Variants in BCLAF1 observed in about 807,000 individuals in gnomAD.
BCLAF1 encodes BCL2 associated transcription factor 1.
BCLAF1 carries 10 observed loss-of-function variants against 99.5 expected under a neutral mutation model. The observed-to-expected ratio is 0.10, with a 90% confidence interval of 0.06 to 0.17. The LOEUF (loss-of-function observed/expected upper bound fraction) is 0.17, where lower values mean the gene tolerates loss of function less well. Ranked by LOEUF, BCLAF1 falls within the 10% of genes least tolerant of loss-of-function variation. BCLAF1 has a pLI of 1.00. For missense variants in BCLAF1, 636 were observed against 1,105.8 expected (o/e 0.58, Z 6.02); for synonymous variants, 255 against 370.9 (o/e 0.69, Z 3.59).
intron 11 of BCLAF1, among the ~76,000 whole-genome samples, chr6:136,265,982 GTCAAT>G (rs1781659060): frequency 1.3e-5 from 2 of 151,486 alleles, no homozygotes; most frequent in South Asian, 2.1e-4. Context: ...TTTCCAGAAT[GTCAAT>G]TCAAGACACT....
chr6:136,282,834 T>G (rs1274850282), intron 1 of BCLAF1, 147 bp from the exon 2 acceptor site: 2 of 152,192 alleles, frequency 1.3e-5, no homozygotes, highest in African/African-American at 4.8e-5. Context: ...AATAGGAAAC[T>G]TTTAACCGTA....
At chr6:136,262,155 C>T (rs534141413) in intron 11 of BCLAF1, among the ~76,000 whole-genome samples, 10 of 152,078 alleles carry the variant, frequency 6.6e-5, no homozygotes, top group African/African-American at 2.4e-4. Flanking sequence ...ACAGATGATC[C>T]CCAAATTATG....
chr6:136,268,030 T>G, intron 10 of BCLAF1, 132 bp downstream of exon 10: 1 of 917,608 alleles, frequency 1.1e-6, no homozygotes, highest in Non-Finnish European at 1.5e-6. Context: ...CCACTTCATG[T>G]TTCAATACTA....
chr6:136,269,110 G>A (rs983523421), intron 9 of BCLAF1: 56 of 1,158,784 alleles, frequency 4.8e-5, no homozygotes, highest in Admixed American at 2.3e-4. Flanking sequence ...GAAAAAGTGC[G>A]GAATCAAGCA....
At chr6:136,284,067 T>G (rs533732517) in intron 1 of BCLAF1, among the ~76,000 whole-genome samples, 27 of 149,984 alleles carry the variant, frequency 1.8e-4, no homozygotes, top group Admixed American at 6.0e-4. Context: ...TAGCTAACAC[T>G]TCCCTAAACA....
chr6:136,261,162 T>C, intron 12 of BCLAF1, 47 bp from the exon 13 acceptor site: 1 of 1,565,674 alleles, frequency 6.4e-7, no homozygotes, highest in East Asian at 2.2e-5. Context: ...ATGCGGAGAG[T>C]GAAAAGGAAC....
intron 1 of BCLAF1, among the ~76,000 whole-genome samples, chr6:136,284,432 A>G (rs188924958): frequency 6.6e-6 from 1 of 152,302 alleles, no homozygotes; most frequent in Admixed American, 6.5e-5. Context: ...TATACAAAGC[A>G]CAATGCTAAT....
intron 4 of BCLAF1, among the ~76,000 whole-genome samples, 167 bp from the exon 5 acceptor site, chr6:136,276,675 T>C (rs776798339): frequency 2.0e-5 from 3 of 152,230 alleles, no homozygotes; most frequent in Non-Finnish European, 4.4e-5. Context: ...AAAGCATCCA[T>C]ATAGAACTTA....
In BCLAF1 at chr6:136,278,792, A is replaced by T. The variant is rs754792435; in HGVS notation, c.105-16T>A. 2 of 1,484,496 alleles carry T rather than the reference A, an allele frequency of 1.3e-6. No individual in the cohort carries two copies. Among genetic ancestry groups the T allele is most frequent in the Non-Finnish European group, 8.9e-7 (1 of 1,120,012 alleles). 92.0% of individuals were successfully genotyped at this position (1,484,496 alleles called of 1,614,324 possible). ...AGACCTAGAACTAAAAATGAAATAAATATCAATGCAAGAAAAATAAAGTAT... is the reference window on the plus strand; with the variant it reads ...AGACCTAGAACTAAAAATGAAATAATTATCAATGCAAGAAAAATAAAGTAT... On this transcript the variant is annotated splice_polypyrimidine_tract_variant and intron_variant, in intron 3 of 12. Coordinates refer to ENST00000531224, the MANE Select transcript of BCLAF1 (RefSeq NM_014739.3).
rs150006162 is a variant in BCLAF1, at chr6:136,278,252, C to T, written c.629G>A (p.Gly210Asp). ...AGCTGAAAGGCCAGGCCAAATATCA[C>T]CGGATGTGGCTGATGACTTATTAAA... ...DEFNKSSATS[G>D]DIWPGLSAYD... is the part of the protein sequence containing the mutation. The change falls in exon 4 of 13, where the codon GGT (glycine) becomes GAT (aspartate). Residue 210 changes from glycine (G) to aspartate (D), a missense_variant. By Grantham distance (94) the Gly-to-Asp change is moderately conservative. Coordinates refer to ENST00000531224, the MANE Select transcript of BCLAF1 (RefSeq NM_014739.3). The T allele has an allele frequency of 5.5e-5, 89 of 1,614,102 alleles. No homozygotes were observed. In the African/African-American group the frequency reaches 5.6e-4, roughly 10 times the overall value.
chr6:136,287,836 T>C (rs1785357190), intron 1 of BCLAF1, among the ~76,000 whole-genome samples: 1 of 152,016 alleles, frequency 6.6e-6, no homozygotes, highest in African/African-American at 2.4e-5. Flanking sequence ...TCGAGACCAA[T>C]ATTGTGAAAC....
intron 9 of BCLAF1, 168 bp from the exon 10 acceptor site, chr6:136,268,507 C>G (rs2128472114): frequency 1.5e-6 from 1 of 648,176 alleles, no homozygotes; most frequent in African/African-American, 1.8e-5. Context: ...TTCCATTCTC[C>G]TTCAATATGT....
intron 8 of BCLAF1, 182 bp downstream of exon 8, chr6:136,271,813 C>T (rs1332399568): frequency 4.5e-6 from 2 of 439,634 alleles, no homozygotes; most frequent in African/African-American, 4.2e-5. Flanking sequence ...AAATTTAAGA[C>T]ACTTAGTATA....
chr6:136,265,057 A>G (rs1781536928), intron 11 of BCLAF1, among the ~76,000 whole-genome samples: 1 of 152,216 alleles, frequency 6.6e-6, no homozygotes, highest in African/African-American at 2.4e-5. Flanking sequence ...TAAATTGTTA[A>G]AAGTGTTAAA....
At chr6:136,286,196 G>T (rs1462781061) in intron 1 of BCLAF1, among the ~76,000 whole-genome samples, 2 of 152,172 alleles carry the variant, frequency 1.3e-5, no homozygotes, top group Non-Finnish European at 2.9e-5. Context: ...AAGCATACTT[G>T]ATCCCAGTCT....
rs565094636 is a variant in BCLAF1, at chr6:136,287,110, A to T, written c.-115+2603T>A. ...AGCCAAGATCACGCCACTGCACACC[A>T]GCCTTGGCGACAGAGCAAGACTGTG... On this transcript the variant is annotated intron_variant, in intron 1 of 12. Transcript: ENST00000531224. Among the ~76,000 whole-genome samples the T allele has an allele frequency of 2.0e-5, 3 of 152,080 alleles. No individual in the cohort carries two copies. The East Asian group carries it at 5.8e-4, about 29-fold the overall frequency.
intron 4 of BCLAF1, among the ~76,000 whole-genome samples, chr6:136,276,796 A>T (rs1203510393): frequency 2.6e-5 from 4 of 152,216 alleles, no homozygotes; most frequent in Non-Finnish European, 4.4e-5. Context: ...CACTAACACG[A>T]ACTTCTAGAG....
rs1314307401 is a variant in BCLAF1, at chr6:136,275,978, T to C, written c.1547A>G (p.His516Arg). ...CTTTTCTCGTGCATCCAGATTCTTG[T>C]GTAGAGGGGGACTGTAATCAAAGAG... ...KDLFDYSPPL[H>R]KNLDAREKST... Residue 516 changes from histidine (H) to arginine (R), a missense_variant, in exon 5 of 13, where the codon CAC becomes CGC. Around this residue, in one of 9 missense-constraint regions of BCLAF1, gnomAD observed 186 missense variants for 275.3 expected, o/e 0.68. Coordinates refer to ENST00000531224, the MANE Select transcript of BCLAF1 (RefSeq NM_014739.3). The C allele has an allele frequency of 1.2e-6, 2 of 1,612,408 alleles. No individual in the cohort carries two copies. Among genetic ancestry groups the C allele is most frequent in the African/African-American group, 1.3e-5 (1 of 74,748 alleles).
chr6:136,278,792 A>G lies in BCLAF1; in HGVS notation c.105-16T>C, dbSNP rs754792435. 1.3e-6 allele frequency: 2 copies of G among 1,484,614 alleles called. No individual in the cohort carries two copies. The highest frequency in any genetic ancestry group is 2.3e-5 in the East Asian group (1 of 43,868). The allele number at this position is 1,484,614 out of a possible 1,614,324, so 92.0% of individuals were successfully genotyped here. A position where few individuals can be genotyped will look rare whatever the true frequency, so the allele number is the denominator to read the frequency against. On this transcript the variant is annotated splice_polypyrimidine_tract_variant and intron_variant, in intron 3 of 12. Transcript: ENST00000531224. ...AGACCTAGAACTAAAAATGAAATAAATATCAATGCAAGAAAAATAAAGTAT... is the reference window on the plus strand; with the variant it reads ...AGACCTAGAACTAAAAATGAAATAAGTATCAATGCAAGAAAAATAAAGTAT...
Sources: gnomAD v4.1 joint callset for allele counts (sites outside exome capture counted in the v4.1 genomes callset) on GRCh38, gnomAD v4.1.1 for gene constraint, gnomAD v4.1.1 regional missense constraint, MANE v1.5 for transcripts, NCBI Gene and HGNC (gene_info 2026-07-23, HGNC 2026-07-21) for gene names.